The following TENM1 variants were observed in gnomAD, a reference collection of about 807,000 sequenced individuals.
TENM1 encodes teneurin transmembrane protein 1.
In TENM1, 35 loss-of-function variants were observed where a neutral mutation model predicts 174.8. That is an observed-to-expected ratio of 0.20 (90% CI 0.15 to 0.27). TENM1 has a LOEUF of 0.27. TENM1 is among the 10% of genes least tolerant of loss of function. The probability of loss-of-function intolerance (pLI) is 1.00; values close to 1 mark genes in which losing one functional copy is unlikely to be tolerated. For synonymous variants in TENM1, 781 were observed against 798.7 expected (o/e 0.98, Z 0.37); for missense variants, 1,633 against 2,130.1 (o/e 0.77, Z 4.59).
chrX:124,649,463 T>C (rs1054950201), intron 8 of TENM1, among the ~76,000 whole-genome samples: 2 of 112,618 alleles, frequency 1.8e-5, no homozygotes, highest in Admixed American at 9.4e-5. Flanking sequence ...CAAGCCTCCA[T>C]TCAGTTATTT....
intron 27 of TENM1, among the ~76,000 whole-genome samples, chrX:124,403,330 C>T (rs186959741): frequency 9.2e-6 from 1 of 109,048 alleles, no homozygotes; most frequent in Non-Finnish European, 1.9e-5. Flanking sequence ...ACCATCCTGG[C>T]GAACACGGTG....
In TENM1 at chrX:124,593,973, C is replaced by T. The variant is rs2049828324; in HGVS notation, c.2078-28413G>A. Among the ~76,000 whole-genome samples, 3 of 112,392 alleles carry T rather than the reference C, an allele frequency of 2.7e-5. No homozygotes were observed. The South Asian group carries it at 1.1e-3, about 41-fold the overall frequency. On this transcript the variant is annotated intron_variant, in intron 11 of 31. Coordinates refer to ENST00000422452, the Ensembl canonical transcript of TENM1. ...CTTGTGTGGCCACACTTCTAGGTTGCCAAGCAATGGCTGATTTTGTATGCA... is the reference window on the plus strand; with the variant it reads ...CTTGTGTGGCCACACTTCTAGGTTGTCAAGCAATGGCTGATTTTGTATGCA...
At chrX:124,573,027 G>A (rs902891123) in intron 11 of TENM1, among the ~76,000 whole-genome samples, 2 of 111,293 alleles carry the variant, frequency 1.8e-5, no homozygotes, top group Non-Finnish European at 3.8e-5. Context: ...AACAGAAAAG[G>A]CCAAGAATAT....
intron 17 of TENM1, 125 bp from the exon 21 acceptor site, chrX:124,520,909 A>G (rs2047832508): frequency 1.7e-6 from 1 of 605,435 alleles, no homozygotes; most frequent in African/African-American, 2.3e-5. Flanking sequence ...AGGTCTAAGG[A>G]CGTCAAGGCA....
upstream of TENM1, among the ~76,000 whole-genome samples, chrX:124,967,522 T>C (rs1048474709): frequency 1.8e-5 from 2 of 111,597 alleles, no homozygotes; most frequent in Non-Finnish European, 3.8e-5. Context: ...TCTTAAGCTA[T>C]GTGCACCTAT....
At chrX:124,954,148 A>G (rs775665814) in intron 1 of TENM1, among the ~76,000 whole-genome samples, 2 of 112,253 alleles carry the variant, frequency 1.8e-5, no homozygotes, top group Non-Finnish European at 3.8e-5. Flanking sequence ...TTAAGAATAT[A>G]TATAGCAAAT....
the TENM1 span, among the ~76,000 whole-genome samples, chrX:125,143,785 T>C: frequency 1.6e-4 from 18 of 111,845 alleles, no homozygotes; most frequent in African/African-American, 4.9e-4. Flanking sequence ...ATTCCAGGTA[T>C]TAGGGAAAAT....
chrX:124,428,531 T>C (rs1221433933), intron 23 of TENM1, among the ~76,000 whole-genome samples: 1 of 112,093 alleles, frequency 8.9e-6, no homozygotes, highest in Non-Finnish European at 1.9e-5. Context: ...GTTCCCACCC[T>C]TATTAGTATG....
At chrX:124,778,833 T>G (rs978525724) in intron 3 of TENM1, among the ~76,000 whole-genome samples, 1 of 112,460 alleles carries the variant, frequency 8.9e-6, no homozygotes, top group East Asian at 2.8e-4. Flanking sequence ...CTGTATGGTT[T>G]ACTGCTTTAT....
chrX:125,126,628 T>A, the TENM1 span, among the ~76,000 whole-genome samples: 1 of 110,231 alleles, frequency 9.1e-6, no homozygotes, highest in Non-Finnish European at 1.9e-5. Context: ...GAAGGCACCC[T>A]GCTGCCTTAT....
At chrX:124,656,498 G>A (rs905662014) in intron 6 of TENM1, among the ~76,000 whole-genome samples, 2 of 112,224 alleles carry the variant, frequency 1.8e-5, no homozygotes, top group African/African-American at 6.5e-5. Context: ...GAATGAGCAC[G>A]TGGACTGTAA....
chrX:125,076,418 T>A, the TENM1 span, among the ~76,000 whole-genome samples: 1 of 111,873 alleles, frequency 8.9e-6, no homozygotes, highest in South Asian at 3.7e-4. Flanking sequence ...ACCAACACAG[T>A]GATGAATAAA....
At chrX:124,553,588 T>C (rs1429840801) in intron 14 of TENM1, among the ~76,000 whole-genome samples, 1 of 102,106 alleles carries the variant, frequency 9.8e-6, no homozygotes, top group East Asian at 3.0e-4. Context: ...TAAATCCCCA[T>C]TACCCTTGCC....
At chrX:124,976,754 C>T in the TENM1 span, among the ~76,000 whole-genome samples, 1 of 111,232 alleles carries the variant, frequency 9.0e-6, no homozygotes, top group Non-Finnish European at 1.9e-5. Flanking sequence ...CCCTATTTCT[C>T]ACTTACTACA....
chrX:124,546,843 T>G (rs2048442265), intron 15 of TENM1, 31 bp downstream of exon 18: 1 of 1,090,573 alleles, frequency 9.2e-7, no homozygotes, highest in African/African-American at 1.8e-5. Context: ...TGACCATTGT[T>G]CACTAAGGAA....
At chrX:124,955,317 A>G (rs1488653730) in intron 1 of TENM1, among the ~76,000 whole-genome samples, 1 of 111,607 alleles carries the variant, frequency 9.0e-6, no homozygotes, top group East Asian at 2.8e-4. Flanking sequence ...CAGTCTTGGA[A>G]TTGAGGTTTG....
chrX:125,030,076 TA>T, the TENM1 span, among the ~76,000 whole-genome samples: 1 of 112,389 alleles, frequency 8.9e-6, no homozygotes, highest in Admixed American at 9.5e-5. Flanking sequence ...ACTTTTTAGC[TA>T]ATGTGTATTT....
At chrX:124,898,597 C>T (rs369129049) in intron 1 of TENM1, among the ~76,000 whole-genome samples, 1 of 109,689 alleles carries the variant, frequency 9.1e-6, no homozygotes. Flanking sequence ...TCATGGCATT[C>T]GTTGGAAAAG....
At chrX:125,042,990 A>G in the TENM1 span, among the ~76,000 whole-genome samples, 49 of 111,622 alleles carry the variant, frequency 4.4e-4, no homozygotes, top group Non-Finnish European at 5.7e-4. Flanking sequence ...GTTTAGGAAC[A>G]GGCTAATTTG....
Sources: allele counts gnomAD v4.1 joint callset (sites outside exome capture counted in the v4.1 genomes callset), GRCh38; gene constraint gnomAD v4.1.1; transcripts MANE v1.5; gene names NCBI Gene and HGNC (gene_info 2026-07-23, HGNC 2026-07-21).